RBFOX1: variants seen among roughly 807,000 people sequenced by gnomAD.
The protein encoded by RBFOX1 is RNA binding fox-1 homolog 1, also known as RNA binding protein fox-1 homolog 1.
Under a neutral mutation model 57.7 loss-of-function variants are expected in RBFOX1, and 8 were observed. The ratio of observed to expected loss-of-function variants is 0.14; its 90% CI spans 0.08 to 0.25. The LOEUF (loss-of-function observed/expected upper bound fraction) is 0.25. Among genes scored for constraint, RBFOX1 ranks in the 10% least tolerant of loss-of-function variants. The probability of loss-of-function intolerance (pLI) is 1.00; values close to 1 mark genes in which losing one functional copy is unlikely to be tolerated. For synonymous variants in RBFOX1, 326 were observed against 222.4 expected (o/e 1.47, Z -4.15); for missense variants, 611 against 548.5 (o/e 1.11, Z -1.14).
At chr16:6,565,657 CG>C (rs1320636089) in intron 2 of RBFOX1, among the ~76,000 whole-genome samples, 4 of 130,596 alleles carry the variant, frequency 3.1e-5, no homozygotes, top group East Asian at 4.6e-4. Flanking sequence ...TTAGTAGAGA[CG>C]GGGGTTTCAC....
chr16:6,777,175 C>A (rs1276238426), intron 3 of RBFOX1, among the ~76,000 whole-genome samples: 4 of 150,120 alleles, frequency 2.7e-5, no homozygotes, highest in Non-Finnish European at 6.0e-5. Context: ...AGGGTATTTT[C>A]TGAGCTTTAG....
chr16:6,085,728 C>T (rs1317160988), intron 1 of RBFOX1, among the ~76,000 whole-genome samples: 2 of 152,128 alleles, frequency 1.3e-5, no homozygotes, highest in South Asian at 2.1e-4. Context: ...GCCCGTGGCG[C>T]TTAAATTCTA....
chr16:7,615,573 G>A (rs190245675), intron 10 of RBFOX1, among the ~76,000 whole-genome samples: 114 of 152,206 alleles, frequency 7.5e-4, no homozygotes, highest in African/African-American at 2.6e-3. Flanking sequence ...TGACTCCAAA[G>A]CTCATTTTCT....
chr16:6,871,419 C>T (rs1479976172), intron 3 of RBFOX1, among the ~76,000 whole-genome samples: 1 of 152,138 alleles, frequency 6.6e-6, no homozygotes, highest in African/African-American at 2.4e-5. Context: ...CTCCTGAGGT[C>T]AAATGATCTG....
intron 1 of RBFOX1, among the ~76,000 whole-genome samples, chr16:6,105,088 G>C (rs1003947477): frequency 2.6e-5 from 4 of 152,146 alleles, no homozygotes; most frequent in African/African-American, 9.7e-5. Context: ...GAAGGAGATG[G>C]TGACTTTGCC....
chr16:6,605,282 A>G (rs1340101100), intron 2 of RBFOX1, among the ~76,000 whole-genome samples: 4 of 152,176 alleles, frequency 2.6e-5, no homozygotes, highest in Non-Finnish European at 5.9e-5. Context: ...TTAAAGAAAT[A>G]AAAAATAGGC....
intron 5 of RBFOX1, among the ~76,000 whole-genome samples, chr16:7,539,525 C>G (rs971650046): frequency 1.3e-5 from 2 of 152,192 alleles, no homozygotes; most frequent in South Asian, 4.1e-4. Context: ...TCTGAAGCAA[C>G]AGATAATGTG....
chr16:6,431,957 CTTT>C (rs2094112352), intron 2 of RBFOX1, among the ~76,000 whole-genome samples: 3 of 117,366 alleles, frequency 2.6e-5, no homozygotes, highest in Admixed American at 2.5e-4. Context: ...TTCTTTCTTT[CTTT>C]CTTTTTCTTT....
chr16:6,763,777 T>C (rs1212744656), intron 3 of RBFOX1, among the ~76,000 whole-genome samples: 1 of 152,208 alleles, frequency 6.6e-6, no homozygotes, highest in African/African-American at 2.4e-5. Context: ...ACATTAAATG[T>C]TTAAATGTGT....
At chr16:6,551,018 G>A (rs2096979992) in intron 2 of RBFOX1, among the ~76,000 whole-genome samples, 1 of 152,156 alleles carries the variant, frequency 6.6e-6, no homozygotes. Flanking sequence ...TGAGCTGACT[G>A]CAGAGGAGGA....
At chr16:6,794,276 C>A (rs796309287) in intron 3 of RBFOX1, among the ~76,000 whole-genome samples, 1 of 109,390 alleles carries the variant, frequency 9.1e-6, no homozygotes, top group Non-Finnish European at 1.8e-5. Flanking sequence ...TTTTCTTGTT[C>A]GTGATTTTTT....
intron 4 of RBFOX1, among the ~76,000 whole-genome samples, chr16:7,259,647 A>G (rs769404064): frequency 2.0e-5 from 3 of 152,214 alleles, no homozygotes; most frequent in Non-Finnish European, 2.9e-5. Flanking sequence ...AAACAAGCCT[A>G]TAGCTTTTGA....
rs373898492 is a variant in RBFOX1, at chr16:5,588,156, A to G, written c.259-10746A>G. Among the ~76,000 whole-genome samples, 57 of 152,318 alleles carry G rather than the reference A, an allele frequency of 3.7e-4. 1 individual carries two copies. In the East Asian group the frequency reaches 8.5e-3, roughly 23 times the overall value. The stretch of plus-strand genomic sequence containing the variant: ...TCATTTACATGAAAGTCCCACACAA[A>G]TAAATCCATAAAGAAGAAAGTAGAT... On this transcript the variant is annotated intron_variant, in intron 2 of 2. Transcript: ENST00000585867.
chr16:5,624,606 A>C (rs1428766628), intron 3 of RBFOX1, among the ~76,000 whole-genome samples: 1 of 152,202 alleles, frequency 6.6e-6, no homozygotes, highest in Non-Finnish European at 1.5e-5. Flanking sequence ...CCCACCTGGG[A>C]GGCACAAGGA....
At chr16:6,972,197 C>G (rs1425633701) in intron 3 of RBFOX1, among the ~76,000 whole-genome samples, 2 of 116,636 alleles carry the variant, frequency 1.7e-5, no homozygotes, top group East Asian at 5.2e-4. Context: ...ATCACGAAAG[C>G]TTTTTCATCC....
At chr16:6,620,195 C>G (rs1026598358) in intron 2 of RBFOX1, among the ~76,000 whole-genome samples, 1 of 152,154 alleles carries the variant, frequency 6.6e-6, no homozygotes, top group Non-Finnish European at 1.5e-5. Context: ...TCAGAATTCA[C>G]TCAAAACCAT....
chr16:5,404,980 T>A (rs1329688985), intron 1 of RBFOX1, among the ~76,000 whole-genome samples: 1 of 152,272 alleles, frequency 6.6e-6, no homozygotes, highest in East Asian at 1.9e-4. Context: ...TAGAGCTTTC[T>A]ACATGCCATG....
intron 1 of RBFOX1, among the ~76,000 whole-genome samples, chr16:5,405,056 G>A (rs2066825347): frequency 6.6e-6 from 1 of 152,154 alleles, no homozygotes; most frequent in Non-Finnish European, 1.5e-5. Flanking sequence ...TCTTACTGAT[G>A]TGGAATCTGT....
chr16:6,450,891 ATCT>A (rs2094607482), intron 2 of RBFOX1, among the ~76,000 whole-genome samples: 1 of 119,112 alleles, frequency 8.4e-6, no homozygotes. Context: ...TGAAATATTG[ATCT>A]TCTCTTCTTC....
Sources: allele counts gnomAD v4.1 joint callset (sites outside exome capture counted in the v4.1 genomes callset), GRCh38; gene constraint gnomAD v4.1.1; transcripts MANE v1.5; gene names NCBI Gene and HGNC (gene_info 2026-07-23, HGNC 2026-07-21).